The following RCOR1 variants were observed in gnomAD, a reference collection of about 807,000 sequenced individuals.
RCOR1 encodes REST corepressor.
Under a neutral mutation model 64.0 loss-of-function variants are expected in RCOR1, and 12 were observed. The observed-to-expected ratio is 0.19, with a 90% CI of 0.12 to 0.30. The LOEUF is 0.30. RCOR1 is among the 10% of genes least tolerant of loss of function. The pLI, the probability that RCOR1 is intolerant of heterozygous loss-of-function variation, is 1.00. For missense variants in RCOR1, 502 were observed against 621.2 expected (o/e 0.81, Z 2.04); for synonymous variants, 279 against 227.2 (o/e 1.23, Z -2.05).
chr14:102,677,135 G>A (rs1407482428), intron 2 of RCOR1, among the ~76,000 whole-genome samples: 7 of 132,472 alleles, frequency 5.3e-5, no homozygotes, highest in Admixed American at 3.6e-4. Flanking sequence ...CCTCCCGGAC[G>A]GGGCGGCTGG....
chr14:102,624,559 A>T (rs1166690743), intron 2 of RCOR1, among the ~76,000 whole-genome samples: 2 of 152,048 alleles, frequency 1.3e-5, no homozygotes, highest in African/African-American at 4.8e-5. Flanking sequence ...TGAGCCCAGG[A>T]GTTCGAGACC....
At chr14:102,622,568 C>T (rs1168363659) in intron 2 of RCOR1, among the ~76,000 whole-genome samples, 1 of 152,074 alleles carries the variant, frequency 6.6e-6, no homozygotes, top group Non-Finnish European at 1.5e-5. Flanking sequence ...GAACTTTTCC[C>T]TGAGCCCTTT....
At chr14:102,693,990 A>G (rs1895593875) in intron 3 of RCOR1, among the ~76,000 whole-genome samples, 1 of 152,078 alleles carries the variant, frequency 6.6e-6, no homozygotes, top group Admixed American at 6.6e-5. Flanking sequence ...GAGCCACTGC[A>G]TCTGGCCAAT....
At chr14:102,669,339 A>G (rs1318152703) in intron 2 of RCOR1, among the ~76,000 whole-genome samples, 2 of 151,898 alleles carry the variant, frequency 1.3e-5, no homozygotes, top group Admixed American at 1.3e-4. Flanking sequence ...AAGAAAAGAT[A>G]CAGGTATTGA....
chr14:102,692,838 C>T (rs1425735568), intron 3 of RCOR1, among the ~76,000 whole-genome samples: 5 of 150,404 alleles, frequency 3.3e-5, no homozygotes, highest in South Asian at 2.1e-4. Flanking sequence ...CAGTCTCAGC[C>T]CATTGCAACC....
intron 2 of RCOR1, among the ~76,000 whole-genome samples, chr14:102,612,348 T>C (rs1209329328): frequency 1.3e-5 from 2 of 151,934 alleles, no homozygotes; most frequent in East Asian, 3.9e-4. Context: ...GGATTACAGG[T>C]GCGCGCCACC....
chr14:102,598,680 C>T lies in RCOR1; in HGVS notation c.361+5355C>T, dbSNP rs183714703. 7.0e-4 allele frequency among the ~76,000 whole-genome samples: 106 copies of T among 151,612 alleles called. 1 individual carries two copies. The East Asian group carries it at 0.015, about 22-fold the overall frequency. ...AGCCAGGATGGTCTCAATCTCCTGA[C>T]CTCGTGATCCGCCCGCCTCGGCCTC... On this transcript the variant is annotated intron_variant, in intron 2 of 11. Coordinates refer to ENST00000262241, the MANE Select transcript of RCOR1 (RefSeq NM_015156.4).
chr14:102,682,762 T>C (rs1895332299), intron 3 of RCOR1, among the ~76,000 whole-genome samples: 1 of 152,230 alleles, frequency 6.6e-6, no homozygotes, highest in Non-Finnish European at 1.5e-5. Context: ...AGCACAGTAC[T>C]AAAATGTTTT....
chr14:102,657,234 T>A, intron 2 of RCOR1: 1 of 985,380 alleles, frequency 1.0e-6, no homozygotes, highest in Non-Finnish European at 1.2e-6. Context: ...GATGTGTGCT[T>A]AGTGTCAGTG....
Position 102,612,972 on chromosome 14 carries a change from A to G in RCOR1, c.361+19647A>G, listed in dbSNP as rs1003779243. Among the ~76,000 whole-genome samples the G allele has an allele frequency of 9.9e-5, 15 of 151,748 alleles. No individual in the cohort carries two copies. The East Asian group carries it at 2.9e-3, about 29-fold the overall frequency. On this transcript the variant is annotated intron_variant, in intron 2 of 11. Coordinates refer to ENST00000262241, the MANE Select transcript of RCOR1 (RefSeq NM_015156.4). The stretch of plus-strand genomic sequence containing the variant: ...GTATCTCTTAGCAAAAAAAAAAAAA[A>G]AGAAAAAACAAATCTGACTACCGTA...
At chr14:102,652,361 AC>A (rs1373173570) in intron 2 of RCOR1, among the ~76,000 whole-genome samples, 5 of 152,196 alleles carry the variant, frequency 3.3e-5, no homozygotes, top group African/African-American at 1.2e-4. Context: ...TTAACAGTGA[AC>A]ACCTTAAGTC....
intron 2 of RCOR1, 49 bp from the exon 3 acceptor site, chr14:102,681,845 AT>A: frequency 7.6e-7 from 1 of 1,317,356 alleles, no homozygotes; most frequent in Non-Finnish European, 1.1e-6. Context: ...CTTATAGCTT[AT>A]TATATGTGTT....
chr14:102,686,390 C>T (rs570507802), intron 3 of RCOR1, among the ~76,000 whole-genome samples: 3 of 152,324 alleles, frequency 2.0e-5, no homozygotes, highest in Admixed American at 6.5e-5. Context: ...GAACATCCTG[C>T]GCTGGAGTCC....
intron 8 of RCOR1, among the ~76,000 whole-genome samples, chr14:102,717,401 A>AT (rs773048758): frequency 2.6e-5 from 4 of 152,334 alleles, no homozygotes; most frequent in Non-Finnish European, 4.4e-5. Flanking sequence ...CCAGACCAGG[A>AT]CCCAAGCACA....
intron 2 of RCOR1, among the ~76,000 whole-genome samples, chr14:102,603,777 C>A (rs745842552): frequency 6.6e-6 from 1 of 151,934 alleles, no homozygotes; most frequent in African/African-American, 2.4e-5. Context: ...TGTGCCACCA[C>A]GCCTGGCTAA....
At chr14:102,711,730 G>A (rs1299428537) in intron 7 of RCOR1, among the ~76,000 whole-genome samples, 1 of 152,112 alleles carries the variant, frequency 6.6e-6, no homozygotes, top group Non-Finnish European at 1.5e-5. Flanking sequence ...TATAAAAACA[G>A]AAGGGTCTAA....
chr14:102,711,076 C>T, intron 7 of RCOR1, 63 bp downstream of exon 7: 2 of 1,103,320 alleles, frequency 1.8e-6, no homozygotes, highest in Non-Finnish European at 2.7e-6. Context: ...ATAAATAAAA[C>T]ATTCATGTTG....
At chr14:102,625,461 C>G (rs1254137049) in intron 2 of RCOR1, among the ~76,000 whole-genome samples, 2 of 151,644 alleles carry the variant, frequency 1.3e-5, no homozygotes, top group Non-Finnish European at 2.9e-5. Context: ...TCTCGAACTC[C>G]TGACCTCAGG....
chr14:102,633,788 C>A (rs376590800), intron 2 of RCOR1, among the ~76,000 whole-genome samples: 1 of 151,780 alleles, frequency 6.6e-6, no homozygotes, highest in African/African-American at 2.4e-5. Flanking sequence ...ATCCACCCAC[C>A]TCAGCCTCCC....
Sources: allele counts gnomAD v4.1 joint callset (sites outside exome capture counted in the v4.1 genomes callset), GRCh38; gene constraint gnomAD v4.1.1; transcripts MANE v1.5; gene names NCBI Gene and HGNC (gene_info 2026-07-23, HGNC 2026-07-21).